Variants in PRP4K observed in about 807,000 individuals in gnomAD.
PRP4K encodes the protein serine/threonine-protein kinase PRP4 homolog.
chr6:4,032,840 G>A, the PRP4K span: 1 of 1,326,444 alleles, frequency 7.5e-7, no homozygotes, highest in East Asian at 2.6e-5. Flanking sequence ...CATTAAAAAT[G>A]AAGTAGTAAG....
the PRP4K span, chr6:4,031,567 A>G: frequency 1.9e-6 from 3 of 1,551,166 alleles, no homozygotes; most frequent in Non-Finnish European, 2.6e-6. Context: ...AGGATGGAAG[A>G]TGCTAATTCT....
the PRP4K span, chr6:4,042,377 A>T: frequency 1.3e-6 from 1 of 785,040 alleles, no homozygotes; most frequent in Non-Finnish European, 2.1e-6. Context: ...AATAGGACTT[A>T]AGACTTTTGC....
chr6:4,034,649 C>T, the PRP4K span, among the ~76,000 whole-genome samples: 4 of 151,890 alleles, frequency 2.6e-5, no homozygotes, highest in Non-Finnish European at 4.4e-5. Context: ...TTGTTTTAAT[C>T]GAAATTTCTT....
At chr6:4,056,257 TTTTA>T in the PRP4K span, 3 of 1,187,972 alleles carry the variant, frequency 2.5e-6, no homozygotes, top group Admixed American at 1.9e-5. Context: ...AGCCAATAAT[TTTTA>T]TTTATTTGTA....
the PRP4K span, among the ~76,000 whole-genome samples, chr6:4,031,179 T>C: frequency 6.6e-6 from 1 of 152,198 alleles, no homozygotes; most frequent in African/African-American, 2.4e-5. Flanking sequence ...GTTGTTAATG[T>C]GTGAGAAATG....
chr6:4,047,780 G>A, the PRP4K span, among the ~76,000 whole-genome samples: 1 of 151,902 alleles, frequency 6.6e-6, no homozygotes, highest in Non-Finnish European at 1.5e-5. Flanking sequence ...TCAAACTTGG[G>A]GACATTTTCA....
the PRP4K span, among the ~76,000 whole-genome samples, chr6:4,056,146 T>C: frequency 1.1e-4 from 17 of 150,684 alleles, no homozygotes; most frequent in Non-Finnish European, 1.8e-4. Flanking sequence ...TTGATACATA[T>C]TAACTTTTCA....
the PRP4K span, among the ~76,000 whole-genome samples, chr6:4,042,835 CTTTCTT>C: frequency 2.6e-5 from 4 of 151,974 alleles, no homozygotes; most frequent in African/African-American, 9.7e-5. Context: ...CTGAAGTTTG[CTTTCTT>C]TTTAAGTTAA....
At chr6:4,054,399 T>C in the PRP4K span, among the ~76,000 whole-genome samples, 2 of 152,212 alleles carry the variant, frequency 1.3e-5, no homozygotes, top group Non-Finnish European at 2.9e-5. Context: ...ATTATTGTAT[T>C]GTATATCTAA....
the PRP4K span, among the ~76,000 whole-genome samples, chr6:4,027,518 CCT>C: frequency 6.9e-6 from 1 of 144,570 alleles, no homozygotes; most frequent in Non-Finnish European, 1.5e-5. Context: ...TATTAGCAGC[CCT>C]CTCAGCTCCA....
chr6:4,063,774 A>G, the PRP4K span: 74 of 152,258 alleles, frequency 4.9e-4, no homozygotes, highest in African/African-American at 1.8e-3. Context: ...TGCAAGACCT[A>G]CTAGATTGAA....
chr6:4,046,073 A>C, the PRP4K span, among the ~76,000 whole-genome samples: 1 of 152,178 alleles, frequency 6.6e-6, no homozygotes, highest in Non-Finnish European at 1.5e-5. Context: ...GTTTCTGTCT[A>C]TTCATTGGGT....
the PRP4K span, among the ~76,000 whole-genome samples, chr6:4,050,946 G>T: frequency 6.6e-6 from 1 of 152,126 alleles, no homozygotes; most frequent in African/African-American, 2.4e-5. Context: ...CTGTCACCCA[G>T]GCTGGAGTGC....
the PRP4K span, chr6:4,037,550 A>AAGC: frequency 1.2e-6 from 2 of 1,613,616 alleles, no homozygotes; most frequent in South Asian, 2.2e-5. Context: ...CAAGAAGAAG[A>AAGC]AGCAGATCTC....
At chr6:4,047,950 C>A in the PRP4K span, among the ~76,000 whole-genome samples, 2 of 138,098 alleles carry the variant, frequency 1.4e-5, no homozygotes, top group East Asian at 2.1e-4. Context: ...ACACACAGAG[C>A]AATAGGAACA....
the PRP4K span, among the ~76,000 whole-genome samples, chr6:4,028,368 C>T: frequency 1.3e-5 from 2 of 151,856 alleles, no homozygotes; most frequent in Admixed American, 6.6e-5. Flanking sequence ...CTGCCATACC[C>T]AGTTAATTTA....
the PRP4K span, among the ~76,000 whole-genome samples, chr6:4,057,904 G>T: frequency 1.3e-5 from 2 of 151,962 alleles, no homozygotes; most frequent in South Asian, 4.1e-4. Context: ...ATGAGCCACC[G>T]CACCCGGCTG....
At chr6:4,035,178 G>A in the PRP4K span, among the ~76,000 whole-genome samples, 31 of 150,016 alleles carry the variant, frequency 2.1e-4, no homozygotes, top group Admixed American at 1.3e-3. Flanking sequence ...GTGCAGTGGT[G>A]TGATCTTGGC....
the PRP4K span, chr6:4,049,903 A>G: frequency 6.2e-7 from 1 of 1,612,532 alleles, no homozygotes; most frequent in Non-Finnish European, 8.5e-7. Flanking sequence ...ACGTGAGGAA[A>G]CCTTTAACAG....
Sources: allele counts gnomAD v4.1 joint callset (sites outside exome capture counted in the v4.1 genomes callset), GRCh38; gene constraint gnomAD v4.1.1; transcripts MANE v1.5; gene names NCBI Gene and HGNC (gene_info 2026-07-23, HGNC 2026-07-21).